CAMSAP2: variants seen among roughly 807,000 people sequenced by gnomAD.
CAMSAP2 encodes the protein calmodulin-regulated spectrin-associated protein 2.
A neutral mutation model predicts 146.1 loss-of-function variants in CAMSAP2; 26 were observed. That is an observed-to-expected ratio of 0.18 (90% CI 0.13 to 0.25). CAMSAP2 has a LOEUF of 0.25. CAMSAP2 is among the 10% of genes least tolerant of loss of function. The probability of loss-of-function intolerance (pLI) is 1.00; values close to 1 mark genes in which losing one functional copy is unlikely to be tolerated. For missense variants in CAMSAP2, 1,381 were observed against 1,759.3 expected (o/e 0.78, Z 3.85); for synonymous variants, 499 against 596.6 (o/e 0.84, Z 2.38).
rs766070783 is a variant in CAMSAP2, at chr1:200,849,649, A to G, written c.2880A>G (p.Pro960=). Residue 960 remains proline, a synonymous_variant, in exon 11 of 17, where the codon CCA becomes CCG. Coordinates refer to ENST00000358823, the MANE Select transcript of CAMSAP2 (RefSeq NM_203459.4). This position sits in a 1 kb window ranked among gnomAD's most constrained non-coding sequence, Gnocchi z 6.3. ...SDSPRPTHPS[P]QSSNRKSASF... ...CCCCTCGTCCTACTCACCCATCTCC[A>G]CAGTCTTCTAACAGGAAAAGTGCAT... The G allele has an allele frequency of 1.1e-5, 18 of 1,614,148 alleles. No homozygotes were observed. The East Asian group carries it at 1.6e-4, about 14-fold the overall frequency.
chr1:200,747,003 G>A (rs1664351698), intron 1 of CAMSAP2, among the ~76,000 whole-genome samples: 1 of 151,906 alleles, frequency 6.6e-6, no homozygotes, highest in African/African-American at 2.4e-5. Flanking sequence ...CAAATTTCTG[G>A]GCTCAGGTGA....
intron 7 of CAMSAP2, among the ~76,000 whole-genome samples, chr1:200,843,844 T>G (rs1009188847): frequency 6.6e-6 from 1 of 152,042 alleles, no homozygotes; most frequent in African/African-American, 2.4e-5. Flanking sequence ...TTTTTGTTTT[T>G]TTTTTGTTTG....
At chr1:200,782,062 T>C (rs1486732502) in intron 2 of CAMSAP2, among the ~76,000 whole-genome samples, 1 of 152,208 alleles carries the variant, frequency 6.6e-6, no homozygotes, top group Non-Finnish European at 1.5e-5. Context: ...TTTTATTCAT[T>C]ATTGTAATAA....
chr1:200,844,539 C>T (rs1241510188), intron 7 of CAMSAP2, among the ~76,000 whole-genome samples: 1 of 151,766 alleles, frequency 6.6e-6, no homozygotes, highest in East Asian at 1.9e-4. Flanking sequence ...CAGAGCGAGA[C>T]TCCGTCTAAA....
chr1:200,762,915 T>C (rs1664840214), intron 2 of CAMSAP2, among the ~76,000 whole-genome samples: 4 of 152,118 alleles, frequency 2.6e-5, no homozygotes, highest in African/African-American at 9.7e-5. Context: ...TTTTTTTTTT[T>C]CTTAGTTGGA....
At chr1:200,828,748 AAG>A in intron 4 of CAMSAP2, 1 of 750,578 alleles carries the variant, frequency 1.3e-6, no homozygotes, top group East Asian at 2.8e-5. Flanking sequence ...GTAAAATGGA[AAG>A]ATAAAAGATA....
chr1:200,825,626 C>G (rs1271452596), intron 4 of CAMSAP2, among the ~76,000 whole-genome samples: 1 of 151,900 alleles, frequency 6.6e-6, no homozygotes, highest in Non-Finnish European at 1.5e-5. Flanking sequence ...TCTGCCTCAG[C>G]CTCCCAAGTA....
intron 1 of CAMSAP2, among the ~76,000 whole-genome samples, chr1:200,744,666 G>T (rs1322417994): frequency 6.6e-6 from 1 of 152,172 alleles, no homozygotes; most frequent in Non-Finnish European, 1.5e-5. Flanking sequence ...GCGGTGGGGT[G>T]GCAGGGGAGA....
intron 2 of CAMSAP2, among the ~76,000 whole-genome samples, chr1:200,796,507 C>T (rs1665888047): frequency 6.6e-6 from 1 of 152,080 alleles, no homozygotes; most frequent in South Asian, 2.1e-4. Flanking sequence ...AAAGAAGCTA[C>T]CTGGGATTCT....
In CAMSAP2 at chr1:200,860,127, A is replaced by G. The variant is rs1464002947; in HGVS notation, c.*2068A>G. The G allele has an allele frequency of 1.3e-5, 2 of 152,882 alleles. No individual in the cohort carries two copies. The highest frequency in any genetic ancestry group is 4.8e-5 in the African/African-American group (2 of 41,594). 9.5% of individuals were successfully genotyped at this position (152,882 alleles called of 1,614,324 possible). The stretch of plus-strand genomic sequence containing the variant: ...AAAGGTAGAATGTGAATATTGCCAC[A>G]GAGTTCATTGCTCTCAGTATAAGAT... On this transcript the variant is annotated 3_prime_UTR_variant, in exon 17 of 17. Coordinates refer to ENST00000358823, the MANE Select transcript of CAMSAP2 (RefSeq NM_203459.4).
At chr1:200,788,530 G>T (rs1367364112) in intron 2 of CAMSAP2, among the ~76,000 whole-genome samples, 2 of 152,096 alleles carry the variant, frequency 1.3e-5, no homozygotes, top group Admixed American at 6.5e-5. Flanking sequence ...TGTTCCACAG[G>T]AACTTTCCAG....
Position 200,858,626 on chromosome 1 carries a change from G to C in CAMSAP2, c.*567G>C, listed in dbSNP as rs1477189898. On this transcript the variant is annotated 3_prime_UTR_variant, in exon 17 of 17. Coordinates refer to ENST00000358823, the MANE Select transcript of CAMSAP2 (RefSeq NM_203459.4). The stretch of plus-strand genomic sequence containing the variant: ...TTTACAGTAACCCTCATATTTTAAT[G>C]GTGTTACAGCATTTGCAAAAATTAT... 6.6e-6 allele frequency: 1 copy of C among 152,486 alleles called. No individual in the cohort carries two copies. The highest frequency in any genetic ancestry group is 2.4e-5 in the African/African-American group (1 of 41,396). 9.4% of individuals were successfully genotyped at this position (152,486 alleles called of 1,614,324 possible). A position where few individuals can be genotyped will look rare whatever the true frequency, so the allele number is the denominator to read the frequency against.
rs371245965 is a variant in CAMSAP2, at chr1:200,853,237, G to T, written c.3603-38G>T. 2.2e-5 allele frequency: 34 copies of T among 1,551,026 alleles called. No individual in the cohort carries two copies. The African/African-American group carries it at 4.4e-4, about 20-fold the overall frequency. On this transcript the variant is annotated intron_variant, in intron 12 of 16. Transcript: ENST00000358823. The surrounding 1 kb of genome is among the most constrained non-coding windows in gnomAD (Gnocchi z 5.1). ...CTCTCTCCTGTATGGTTTGTCTTTG[G>T]TATGCAGAATAAGAACTGTAACCAT...
intron 1 of CAMSAP2, among the ~76,000 whole-genome samples, chr1:200,755,773 T>C (rs1664630368): frequency 6.6e-6 from 1 of 152,214 alleles, no homozygotes; most frequent in Non-Finnish European, 1.5e-5. Flanking sequence ...CTTGCTCTCC[T>C]TCAGGTACCT....
intron 2 of CAMSAP2, among the ~76,000 whole-genome samples, chr1:200,807,003 A>G (rs1006405647): frequency 6.6e-6 from 1 of 152,182 alleles, no homozygotes; most frequent in African/African-American, 2.4e-5. Context: ...AAGATAGAGA[A>G]TCTATAAACT....
At chr1:200,841,413 G>C (rs766821987) in intron 6 of CAMSAP2, among the ~76,000 whole-genome samples, 2 of 152,000 alleles carry the variant, frequency 1.3e-5, no homozygotes, top group African/African-American at 4.8e-5. Context: ...CACCCGGCTA[G>C]TTTTTTGTAT....
Position 200,800,738 on chromosome 1 carries a change from G to A in CAMSAP2, c.400-6638G>A, listed in dbSNP as rs190556380. Among the ~76,000 whole-genome samples, 34 of 152,262 alleles carry A rather than the reference G, an allele frequency of 2.2e-4. No homozygotes were observed. In the Middle Eastern group the frequency reaches 0.01, roughly 46 times the overall value. On this transcript the variant is annotated intron_variant, in intron 2 of 16. Transcript: ENST00000358823. ...TAGCTGGTTATTTTGCCTGTTAGTTGATGCAGTTTCTTCATAGTGTCGATG... is the reference window on the plus strand; with the variant it reads ...TAGCTGGTTATTTTGCCTGTTAGTTAATGCAGTTTCTTCATAGTGTCGATG...
intron 1 of CAMSAP2, among the ~76,000 whole-genome samples, chr1:200,749,593 A>T (rs1664441899): frequency 6.6e-6 from 1 of 152,156 alleles, no homozygotes; most frequent in Non-Finnish European, 1.5e-5. Flanking sequence ...TGTGCTATTA[A>T]CTGCTTACCT....
intron 2 of CAMSAP2, among the ~76,000 whole-genome samples, chr1:200,796,218 G>A (rs1665879791): frequency 6.6e-6 from 1 of 152,020 alleles, no homozygotes; most frequent in Non-Finnish European, 1.5e-5. Context: ...TCCTCTTGTA[G>A]GTTACTACTT....
Sources: gnomAD v4.1 joint callset for allele counts (sites outside exome capture counted in the v4.1 genomes callset) on GRCh38, gnomAD v4.1.1 for gene constraint, Gnocchi (gnomAD v3.1) non-coding constraint, MANE v1.5 for transcripts, NCBI Gene and HGNC (gene_info 2026-07-23, HGNC 2026-07-21) for gene names.